Variants in CARMIL3 observed in about 807,000 individuals in gnomAD.
CARMIL3 encodes capping protein regulator and myosin 1 linker 3.
A neutral mutation model predicts 180.8 loss-of-function variants in CARMIL3; 88 were observed. The observed-to-expected ratio is 0.49, with a 90% CI of 0.41 to 0.58. CARMIL3 has a LOEUF of 0.58. CARMIL3 is among the 20% of genes least tolerant of loss of function. CARMIL3 has a pLI of 0.00. For missense variants in CARMIL3, 1,548 were observed against 1,787.0 expected, an observed-to-expected ratio of 0.87 and a Z score of 2.41; for synonymous variants, 696 against 714.5, an observed-to-expected ratio of 0.97 and a Z score of 0.41.
In CARMIL3 at chr14:24,058,742, C is replaced by T; in HGVS notation, c.1455C>T (p.Ser485=). The T allele has an allele frequency of 6.2e-7, 1 of 1,614,154 alleles. No homozygotes were observed. Among genetic ancestry groups the T allele is most frequent in the Non-Finnish European group, 8.5e-7 (1 of 1,180,022 alleles). ...TGGGAGCTGTCACCTGTGTAGGCAG[C>T]CTGGATCTGTCAGACAATGGTGAGT... is the stretch of plus-strand genomic sequence containing the variant. The part of the protein sequence containing the change: ...EQLGAVTCVG[S]LDLSDNGFDS... Residue 485 remains serine, a synonymous_variant, in exon 18 of 40, where the codon AGC becomes AGT. Transcript: ENST00000342740. The surrounding 1 kb of genome is among the most constrained non-coding windows in gnomAD (Gnocchi z 6.4).
In CARMIL3 at chr14:24,054,036, C is replaced by T; in HGVS notation, c.136-52C>T. Reference sequence around the variant, plus strand: ...CTGAAGGGCTTAAGGAGGGCAGGGCCACCAAGGCCCAGCAGCTGCCATGAG... The same window carrying T: ...CTGAAGGGCTTAAGGAGGGCAGGGCTACCAAGGCCCAGCAGCTGCCATGAG... On this transcript the variant is annotated intron_variant, in intron 2 of 39. Transcript: ENST00000342740. The surrounding 1 kb of genome is among the most constrained non-coding windows in gnomAD (Gnocchi z 5.1). 6.2e-7 allele frequency: 1 copy of T among 1,603,676 alleles called. No homozygotes were observed.
At chr14:24,052,338 C>A in intron 1 of CARMIL3, 145 bp downstream of exon 1, 1 of 784,802 alleles carries the variant, frequency 1.3e-6, no homozygotes, top group South Asian at 2.1e-5. Flanking sequence ...GCATTCCAGT[C>A]CGGGCATCGC....
chr14:24,055,406 C>G (rs1431404127), intron 8 of CARMIL3, 96 bp downstream of exon 8: 2 of 1,500,680 alleles, frequency 1.3e-6, no homozygotes, highest in African/African-American at 2.8e-5. Context: ...ACAGCCCCAG[C>G]TCTATCTCCC....
At chr14:24,064,643 G>A (rs971013870) in intron 32 of CARMIL3, among the ~76,000 whole-genome samples, 1 of 129,744 alleles carries the variant, frequency 7.7e-6, no homozygotes, top group African/African-American at 2.5e-5. Flanking sequence ...CCCATTAGTG[G>A]TGAGAGGCCC....
At position 24,057,893 on chromosome 14, in the gene CARMIL3, G is replaced by A. The variant is rs776651696; in HGVS notation, c.1217+14G>A. The A allele has an allele frequency of 4.3e-6, 7 of 1,613,076 alleles. No homozygotes were observed. In the Admixed American group the frequency reaches 6.7e-5, roughly 15 times the overall value. On this transcript the variant is annotated intron_variant, in intron 15 of 39. Transcript: ENST00000342740. The stretch of plus-strand genomic sequence containing the variant: ...CTGCTCCCACAGGTGGGAGAGGAGG[G>A]GGAAGGGAGGACAGGGCAAGACATG...
At chr14:24,067,209 T>C (rs1324119440) in intron 36 of CARMIL3, among the ~76,000 whole-genome samples, 5 of 152,224 alleles carry the variant, frequency 3.3e-5, no homozygotes, top group African/African-American at 1.2e-4. Flanking sequence ...AGTCATTTAC[T>C]TTCTGGCCCC....
At chr14:24,062,362 G>A (rs187361501) in intron 27 of CARMIL3, 118 bp from the exon 28 acceptor site, 2 of 916,760 alleles carry the variant, frequency 2.2e-6, no homozygotes, top group Non-Finnish European at 3.6e-6. Flanking sequence ...TGCGCTCCAT[G>A]GGCAGACAGA....
chr14:24,063,568 C>T (rs1566542272), intron 31 of CARMIL3, 35 bp downstream of exon 31: 5 of 1,563,444 alleles, frequency 3.2e-6, no homozygotes, highest in Non-Finnish European at 4.3e-6. Flanking sequence ...GGATCCCCTT[C>T]ACTCAGTGAC....
Position 24,054,987 on chromosome 14 carries a change from G to T in CARMIL3, c.461-79G>T. 6.6e-7 allele frequency: 1 copy of T among 1,511,630 alleles called. No individual in the cohort carries two copies. The highest frequency in any genetic ancestry group is 1.1e-5 in the South Asian group (1 of 86,984). The allele number at this position is 1,511,630 out of a possible 1,614,324, so 93.6% of individuals were successfully genotyped here. Reference sequence around the variant, plus strand: ...AACCAAGAGCACTGGCACATAAAGTGACCTTGACTGTTCTTGAACCCCAAG... The same window carrying T: ...AACCAAGAGCACTGGCACATAAAGTTACCTTGACTGTTCTTGAACCCCAAG... On this transcript the variant is annotated intron_variant, in intron 6 of 39. Coordinates refer to ENST00000342740, the MANE Select transcript of CARMIL3 (RefSeq NM_138360.4). This position sits in a 1 kb window ranked among gnomAD's most constrained non-coding sequence, Gnocchi z 5.1.
intron 14 of CARMIL3, 116 bp downstream of exon 14, chr14:24,057,360 C>G: frequency 1.1e-6 from 1 of 902,556 alleles, no homozygotes; most frequent in South Asian, 1.4e-5. Context: ...TAGATGACTT[C>G]AGGTTCAGCT....
In CARMIL3 at chr14:24,056,328, T is replaced by C. The variant is rs764459529; in HGVS notation, c.800T>C (p.Phe267Ser). 2.8e-5 allele frequency: 45 copies of C among 1,613,876 alleles called. No homozygotes were observed. The highest frequency in any genetic ancestry group is 3.5e-5 in the Non-Finnish European group (41 of 1,179,914). The change falls in exon 11 of 40, where the codon TTT becomes TCT. Residue 267 changes from phenylalanine (F) to serine (S), a missense_variant. This residue lies in a region of CARMIL3 where 578 missense variants were observed against 666.5 expected (regional missense o/e 0.87). Coordinates refer to ENST00000342740, the MANE Select transcript of CARMIL3 (RefSeq NM_138360.4). ...TDFVQKLAGV[F>S]GENGSCVLHA... ...TTTGTCCAGAAGCTGGCCGGGGTGT[T>C]TGGGGAGAACGGGAGCTGTGTGCTG...
In CARMIL3 at chr14:24,068,510, T is replaced by C. The variant is rs891515987; in HGVS notation, c.3683-74T>C. 5 of 1,359,614 alleles carry C rather than the reference T, an allele frequency of 3.7e-6. No homozygotes were observed. In the Admixed American group the frequency reaches 6.3e-5, roughly 17 times the overall value. The allele number at this position is 1,359,614 out of a possible 1,614,324, so 84.2% of individuals were successfully genotyped here. On this transcript the variant is annotated intron_variant, in intron 36 of 39. Coordinates refer to ENST00000342740, the MANE Select transcript of CARMIL3 (RefSeq NM_138360.4). ...AAAGTCCTGGCCTCCAGGGCTTCAG[T>C]GGAGAGAGGAGACAGGGACAGGAGC...
rs2035645232 is a variant in CARMIL3 at position 24,054,028 on chromosome 14, G to T, written c.136-60G>T. On this transcript the variant is annotated intron_variant, in intron 2 of 39. Transcript: ENST00000342740. This position sits in a 1 kb window ranked among gnomAD's most constrained non-coding sequence, Gnocchi z 5.1. ...GAGCAGAGCTGAAGGGCTTAAGGAG[G>T]GCAGGGCCACCAAGGCCCAGCAGCT... 6.3e-7 allele frequency: 1 copy of T among 1,577,310 alleles called. No homozygotes were observed. Among genetic ancestry groups the T allele is most frequent in the Non-Finnish European group, 8.7e-7 (1 of 1,150,282 alleles).
In CARMIL3 at chr14:24,055,573, C is replaced by G; in HGVS notation, c.636C>G (p.Ala212=). 6.2e-7 allele frequency: 1 copy of G among 1,614,172 alleles called. No individual in the cohort carries two copies. Among genetic ancestry groups the G allele is most frequent in the Non-Finnish European group, 8.5e-7 (1 of 1,180,040 alleles). Residue 212 remains alanine, a synonymous_variant, in exon 9 of 40, where the codon GCC becomes GCG. Transcript: ENST00000342740. Reference sequence around the variant, plus strand: ...TGGCCCTAATGGTAGCAGCCCTGGCCTACAACCAGTGGTTCACCAAACTCT... The same window carrying G: ...TGGCCCTAATGGTAGCAGCCCTGGCGTACAACCAGTGGTTCACCAAACTCT... The part of the protein sequence containing the change: ...RDLALMVAAL[A]YNQWFTKLYC...
chr14:24,056,271 G>T, intron 10 of CARMIL3, 28 bp from the exon 11 acceptor site: 1 of 1,599,982 alleles, frequency 6.3e-7, no homozygotes, highest in South Asian at 1.1e-5. Context: ...CTCAGCTCAG[G>T]ACAAATCCTT....
chr14:24,066,506 CAG>C (rs780186475), intron 35 of CARMIL3, 42 bp downstream of exon 35: 55 of 1,613,000 alleles, frequency 3.4e-5, no homozygotes, highest in Non-Finnish European at 3.5e-5. Flanking sequence ...ACCCCTCTCT[CAG>C]GGGTCAAATT....
rs1321898100 is a variant in CARMIL3 at position 24,063,169 on chromosome 14, T to G, written c.2756T>G (p.Val919Gly). 6.2e-7 allele frequency: 1 copy of G among 1,613,162 alleles called. No individual in the cohort carries two copies. Among genetic ancestry groups the G allele is most frequent in the East Asian group, 2.2e-5 (1 of 44,820 alleles). The change falls in exon 30 of 40, where the codon GTG becomes GGG. Residue 919 changes from valine to glycine, a missense_variant. Around this residue, in one of 4 missense-constraint regions of CARMIL3, gnomAD observed 668 missense variants for 687.8 expected, o/e 0.97. Transcript: ENST00000342740. The part of the protein sequence containing the change: ...KQKRCRKIRP[V>G]SAFISGSPQD... ...AAACGCTGCCGCAAGATTCGGCCGG[T>G]GTCTGCCTTCATCAGTGAGTCTCCC...
intron 31 of CARMIL3, 77 bp from the exon 32 acceptor site, chr14:24,064,169 G>A (rs555367388): frequency 1.1e-5 from 10 of 934,038 alleles, no homozygotes; most frequent in Admixed American, 2.2e-5. Flanking sequence ...CAAGCCCAAA[G>A]GGGAATGCTC....
rs778916411 is a variant in CARMIL3, at chr14:24,069,236, C to A, written c.4082C>A (p.Pro1361His). The change falls in exon 39 of 40, where the codon CCT becomes CAT. Residue 1361 changes from proline to histidine, a missense_variant. This residue lies in a region of CARMIL3 where 668 missense variants were observed against 687.8 expected (regional missense o/e 0.97). Transcript: ENST00000342740. The part of the protein sequence containing the change: ...DKLEPDRRRP[P>H]DPTGTSEPGT... ...CTGGAACCTGATAGAAGACGGCCTCCTGACCCCACAGGTGCTGGTGGTGAG... is the reference window on the plus strand; with the variant it reads ...CTGGAACCTGATAGAAGACGGCCTCATGACCCCACAGGTGCTGGTGGTGAG... 5.0e-6 allele frequency: 8 copies of A among 1,614,124 alleles called. No individual in the cohort carries two copies. Among genetic ancestry groups the A allele is most frequent in the Non-Finnish European group, 6.8e-6 (8 of 1,179,992 alleles).
Sources: gnomAD v4.1 joint callset for allele counts (sites outside exome capture counted in the v4.1 genomes callset) on GRCh38, gnomAD v4.1.1 for gene constraint, gnomAD v4.1.1 regional missense constraint, Gnocchi (gnomAD v3.1) non-coding constraint, MANE v1.5 for transcripts, NCBI Gene and HGNC (gene_info 2026-07-23, HGNC 2026-07-21) for gene names.